Variants in BFSP2 observed in about 807,000 individuals in gnomAD.
BFSP2 encodes the protein beaded filament structural protein 2.
Under a neutral mutation model 44.9 loss-of-function variants are expected in BFSP2, and 38 were observed. The ratio of observed to expected loss-of-function variants is 0.85; its 90% CI spans 0.65 to 1.11. The LOEUF (loss-of-function observed/expected upper bound fraction) is 1.11. Among genes scored for constraint, BFSP2 ranks in the 50% least tolerant of loss-of-function variants. BFSP2 has a pLI of 0.00. For synonymous variants in BFSP2, 197 were observed against 209.9 expected (o/e 0.94, Z 0.53); for missense variants, 525 against 533.0 (o/e 0.99, Z 0.15).
rs770337681 is a variant in BFSP2, at chr3:133,472,555, G to A, written c.1234G>A (p.Glu412Lys). ...GTCCTACCACGCCCTGCTGGACAGG[G>A]AGGAGAGCGGGTAAGCCTCGCTTCC... Reference protein sequence around the residue: ...VASYHALLDREESG With the variant: ...VASYHALLDRKESG The change falls in exon 6 of 7, where the codon GAG becomes AAG. Residue 412 changes from glutamate to lysine, a missense_variant. Coordinates refer to ENST00000302334, the MANE Select transcript of BFSP2 (RefSeq NM_003571.4). 5 of 1,612,012 alleles carry A rather than the reference G, an allele frequency of 3.1e-6. No individual in the cohort carries two copies. The highest frequency in any genetic ancestry group is 1.1e-5 in the South Asian group (1 of 90,916).
At position 133,400,348 on chromosome 3, in the gene BFSP2, C is replaced by A; in HGVS notation, c.265C>A (p.Arg89=). ...CAGCAGTGTCTTCCTTCAGGGCCTG[C>A]GGAGCTCAGGCCTGGCCACCGTGCC... ...GISSVFLQGL[R]SSGLATVPAP... is the part of the protein sequence containing the mutation. The change falls in exon 1 of 7, where the codon CGG becomes AGG. Residue 89 remains arginine (R), a synonymous_variant. Transcript: ENST00000302334. The surrounding 1 kb of genome is among the most constrained non-coding windows in gnomAD (Gnocchi z 4.0). 2 of 1,614,022 alleles carry A rather than the reference C, an allele frequency of 1.2e-6. No homozygotes were observed. Among genetic ancestry groups the A allele is most frequent in the Non-Finnish European group, 1.7e-6 (2 of 1,180,034 alleles).
chr3:133,451,321 G>A (rs1610172), intron 4 of BFSP2, among the ~76,000 whole-genome samples: 125,783 of 149,146 alleles, frequency 0.84, 52,226 homozygotes, highest in South Asian at 0.91. Flanking sequence ...TTCATAATAT[G>A]AGGTAAAATG....
At position 133,444,284 on chromosome 3, in the gene BFSP2, G is replaced by A. The variant is rs149609294; in HGVS notation, c.490-3033G>A. 8.5e-3 allele frequency among the ~76,000 whole-genome samples: 1,292 copies of A among 152,116 alleles called. 51 individuals are homozygous for A. Among genetic ancestry groups the A allele is most frequent in the Admixed American group, 0.068 (1,038 of 15,266 alleles). ...AATAACAATGATGATAATGGCTACC[G>A]TTCATGCAATATTTACTCTGTGCCA... On this transcript the variant is annotated intron_variant, in intron 1 of 6. Transcript: ENST00000302334.
At chr3:133,462,324 G>A (rs1374202895) in intron 4 of BFSP2, among the ~76,000 whole-genome samples, 1 of 152,234 alleles carries the variant, frequency 6.6e-6, no homozygotes, top group Non-Finnish European at 1.5e-5. Flanking sequence ...TGTCAGTGGT[G>A]CAAGAACATT....
At chr3:133,419,467 C>T (rs184090099) in intron 1 of BFSP2, among the ~76,000 whole-genome samples, 1 of 152,118 alleles carries the variant, frequency 6.6e-6, no homozygotes, top group African/African-American at 2.4e-5. Flanking sequence ...GTCCCAGAAC[C>T]CTGAAGGGTA....
At chr3:133,447,445 TC>T in intron 2 of BFSP2, 46 bp downstream of exon 2, 1 of 1,573,320 alleles carries the variant, frequency 6.4e-7, no homozygotes, top group Non-Finnish European at 8.7e-7. Flanking sequence ...ATCCCTAGAC[TC>T]CTAGGCAAGT....
At chr3:133,432,160 C>T (rs544822810) in intron 1 of BFSP2, among the ~76,000 whole-genome samples, 1 of 152,338 alleles carries the variant, frequency 6.6e-6, no homozygotes, top group South Asian at 2.1e-4. Context: ...CACTCGCCTG[C>T]TACAGCATGG....
At chr3:133,425,764 T>C (rs10935061) in intron 1 of BFSP2, among the ~76,000 whole-genome samples, 117,192 of 137,870 alleles carry the variant, frequency 0.85, 49,494 homozygotes, top group Middle Eastern at 0.94. Context: ...GACAAAGGGA[T>C]GGGAAAGGGA....
chr3:133,452,431 C>A (rs1300669005), intron 4 of BFSP2, among the ~76,000 whole-genome samples: 1 of 152,146 alleles, frequency 6.6e-6, no homozygotes, highest in African/African-American at 2.4e-5. Flanking sequence ...CAAATAGAGC[C>A]TAGTTATTCA....
chr3:133,466,806 ACT>A lies in BFSP2; in HGVS notation c.892-21_892-20del. ...CAGATTTCTGATCATCACCGCTCAC[ACT>A]GAGACCTGACTCTCCACAGCAACAG... On this transcript the variant is annotated intron_variant, in intron 4 of 6. Transcript: ENST00000302334. 1.2e-6 allele frequency: 2 copies of A among 1,611,992 alleles called. No individual in the cohort carries two copies. The highest frequency in any genetic ancestry group is 4.5e-5 in the East Asian group (2 of 44,812).
At chr3:133,430,626 G>A (rs184954112) in intron 1 of BFSP2, among the ~76,000 whole-genome samples, 107 of 152,222 alleles carry the variant, frequency 7.0e-4, no homozygotes, top group African/African-American at 1.8e-3. Flanking sequence ...ATGGGCAAAT[G>A]GTCTGAGGTG....
chr3:133,420,135 A>C (rs924377373), intron 1 of BFSP2, among the ~76,000 whole-genome samples: 3 of 152,208 alleles, frequency 2.0e-5, no homozygotes, highest in Non-Finnish European at 4.4e-5. Flanking sequence ...AGGTGGAAAG[A>C]GTGTATTAGC....
At chr3:133,406,865 C>CA (rs1391548324) in intron 1 of BFSP2, among the ~76,000 whole-genome samples, 6 of 152,042 alleles carry the variant, frequency 3.9e-5, no homozygotes, top group Non-Finnish European at 5.9e-5. Context: ...AACTATACGA[C>CA]AAAAAATAAG....
intron 1 of BFSP2, among the ~76,000 whole-genome samples, chr3:133,446,593 T>TATAA (rs2073901391): frequency 1.3e-4 from 3 of 23,650 alleles, no homozygotes; most frequent in African/African-American, 6.0e-4. Context: ...TATATATATA[T>TATAA]ATATATATAT....
At chr3:133,442,249 C>T (rs771965699) in intron 1 of BFSP2, among the ~76,000 whole-genome samples, 10 of 152,178 alleles carry the variant, frequency 6.6e-5, no homozygotes, top group Non-Finnish European at 1.5e-4. Flanking sequence ...AAGAGATCCT[C>T]CCACATCAGT....
intron 4 of BFSP2, among the ~76,000 whole-genome samples, chr3:133,453,931 C>A (rs530828284): frequency 6.6e-6 from 1 of 152,148 alleles, no homozygotes; most frequent in Non-Finnish European, 1.5e-5. Flanking sequence ...TATGGTGTTA[C>A]GAATGTCAGG....
chr3:133,424,474 A>G (rs13073286), intron 1 of BFSP2, among the ~76,000 whole-genome samples: 127,628 of 151,930 alleles, frequency 0.84, 53,849 homozygotes, highest in Middle Eastern at 0.94. Context: ...TTAGAGTCAA[A>G]GGTCCTGAGT....
chr3:133,441,088 A>G (rs1317269977), intron 1 of BFSP2, among the ~76,000 whole-genome samples: 1 of 139,950 alleles, frequency 7.1e-6, no homozygotes, highest in Non-Finnish European at 1.5e-5. Flanking sequence ...TGCCCAGGCT[A>G]GAGTGCAATG....
At chr3:133,452,501 A>C (rs2073974721) in intron 4 of BFSP2, among the ~76,000 whole-genome samples, 1 of 152,206 alleles carries the variant, frequency 6.6e-6, no homozygotes, top group East Asian at 1.9e-4. Flanking sequence ...ACAGAGGTAA[A>C]GTGAAGCCAT....
Sources: allele counts gnomAD v4.1 joint callset (sites outside exome capture counted in the v4.1 genomes callset), GRCh38; gene constraint gnomAD v4.1.1; non-coding constraint Gnocchi (gnomAD v3.1); transcripts MANE v1.5; gene names NCBI Gene and HGNC (gene_info 2026-07-23, HGNC 2026-07-21).